The following NT5DC3 variants were observed in gnomAD, a reference collection of about 807,000 sequenced individuals.
NT5DC3 encodes 5'-nucleotidase domain containing 3, also known as 5'-nucleotidase domain-containing protein 3.
A neutral mutation model predicts 67.8 loss-of-function variants in NT5DC3; 42 were observed. The ratio of observed to expected loss-of-function variants is 0.62; its 90% CI spans 0.48 to 0.80. The LOEUF (loss-of-function observed/expected upper bound fraction) is 0.80. Among genes scored for constraint, NT5DC3 ranks in the 30% least tolerant of loss-of-function variants. NT5DC3 has a pLI of 0.00. For missense variants in NT5DC3, 570 were observed against 696.4 expected (o/e 0.82, Z 2.04); for synonymous variants, 237 against 255.6 (o/e 0.93, Z 0.69).
downstream of NT5DC3, among the ~76,000 whole-genome samples, chr12:103,769,794 A>G (rs952298746): frequency 6.6e-6 from 1 of 152,266 alleles, no homozygotes; most frequent in African/African-American, 2.4e-5. Flanking sequence ...CCAACTACTT[A>G]CAAAGAAATT....
downstream of NT5DC3, chr12:103,765,991 TC>T: frequency 1.9e-6 from 1 of 534,006 alleles, no homozygotes; most frequent in Non-Finnish European, 3.5e-6. Flanking sequence ...AATTTAATCC[TC>T]CTACCTCCCT....
chr12:103,763,334 T>C, the NT5DC3 span: 4 of 648,366 alleles, frequency 6.2e-6, no homozygotes, highest in Non-Finnish European at 8.3e-6. Context: ...ATCTAAAGGT[T>C]GGTAAATTTT....
At chr12:103,802,644 G>C (rs1413456101) in intron 4 of NT5DC3, among the ~76,000 whole-genome samples, 1 of 152,186 alleles carries the variant, frequency 6.6e-6, no homozygotes, top group Non-Finnish European at 1.5e-5. Context: ...CCAAGCCAGA[G>C]AGGAAGGCCA....
intron 10 of NT5DC3, among the ~76,000 whole-genome samples, chr12:103,787,730 A>G (rs761073353): frequency 2.8e-4 from 43 of 152,288 alleles, no homozygotes; most frequent in Non-Finnish European, 5.4e-4. Flanking sequence ...TATACACCTC[A>G]CTGTAACTAT....
chr12:103,770,460 G>T (rs1044297283), downstream of NT5DC3: 2 of 151,076 alleles, frequency 1.3e-5, no homozygotes, highest in Non-Finnish European at 2.9e-5. Flanking sequence ...TTTGAGACAG[G>T]GTCTCACTCT....
intron 2 of NT5DC3, among the ~76,000 whole-genome samples, chr12:103,811,750 G>C (rs992794960): frequency 1.3e-5 from 2 of 152,164 alleles, no homozygotes; most frequent in African/African-American, 4.8e-5. Flanking sequence ...TGTAACAAAT[G>C]TACCTTAGTC....
At position 103,798,592 on chromosome 12, in the gene NT5DC3, C is replaced by T. The variant is rs1375283330; in HGVS notation, c.610G>A (p.Gly204Arg). 4.3e-6 allele frequency: 7 copies of T among 1,610,374 alleles called. No homozygotes were observed. The highest frequency in any genetic ancestry group is 4.0e-5 in the African/African-American group (3 of 74,868). Residue 204 changes from glycine to arginine, a missense_variant, in exon 5 of 14, where the codon GGA becomes AGA. Gly to Arg is a moderately radical substitution (Grantham distance 125). Coordinates refer to ENST00000392876, the MANE Select transcript of NT5DC3 (RefSeq NM_001031701.3). ...AATAAAGTGCTTCTCATTACCTTTC[C>T]GTAAAAGTCACTCATCTGCTCCAAG... is the stretch of plus-strand genomic sequence containing the variant. ...VPLEQMSDFY[G>R]KSSHGNTMKQ...
At chr12:103,797,122 C>G in intron 5 of NT5DC3, 91 bp from the exon 6 acceptor site, 13 of 1,334,634 alleles carry the variant, frequency 9.7e-6, no homozygotes, top group South Asian at 5.0e-5. Flanking sequence ...AAGCCTTTTC[C>G]GTGACTAAAC....
At chr12:103,753,901 A>G in the NT5DC3 span, among the ~76,000 whole-genome samples, 2 of 152,178 alleles carry the variant, frequency 1.3e-5, no homozygotes, top group Admixed American at 1.3e-4. Flanking sequence ...AGGGACTGTG[A>G]AAAGAAAAAA....
chr12:103,806,979 G>A (rs1886827452), intron 2 of NT5DC3, 50 bp from the exon 3 acceptor site: 2 of 1,091,554 alleles, frequency 1.8e-6, no homozygotes, highest in Admixed American at 1.7e-5. Flanking sequence ...GCCAAGTGCA[G>A]GATCCTGTCC....
At chr12:103,762,151 T>C in the NT5DC3 span, 23 of 1,334,192 alleles carry the variant, frequency 1.7e-5, no homozygotes, top group African/African-American at 3.1e-4. Context: ...AAGGGCCAGA[T>C]ACATGTTAAC....
chr12:103,796,780 C>T, intron 6 of NT5DC3, 114 bp downstream of exon 6: 2 of 1,029,848 alleles, frequency 1.9e-6, no homozygotes, highest in East Asian at 2.4e-5. Context: ...TAAGAGTTCC[C>T]AGCTAAGAGA....
chr12:103,811,623 A>G lies in NT5DC3; in HGVS notation c.393+3314T>C, dbSNP rs191814349. ...CTGAGAGACATGACAACTAACTGCA[A>G]TGTGGTGTCCTGCAGGGGATCCTGG... On this transcript the variant is annotated intron_variant, in intron 2 of 13. Coordinates refer to ENST00000392876, the MANE Select transcript of NT5DC3 (RefSeq NM_001031701.3). Among the ~76,000 whole-genome samples, 474 of 152,326 alleles carry G rather than the reference A, an allele frequency of 3.1e-3. 2 individuals carry two copies. The highest frequency in any genetic ancestry group is 0.011 in the African/African-American group (458 of 41,570).
At chr12:103,806,754 A>C in intron 3 of NT5DC3, 101 bp downstream of exon 3, 1 of 747,474 alleles carries the variant, frequency 1.3e-6, no homozygotes, top group East Asian at 2.5e-5. Flanking sequence ...CAAATAACAT[A>C]ATTTAAAACT....
intron 4 of NT5DC3, among the ~76,000 whole-genome samples, chr12:103,799,715 T>C (rs915912475): frequency 1.3e-5 from 2 of 151,810 alleles, no homozygotes; most frequent in Non-Finnish European, 2.9e-5. Context: ...GAAATGACCC[T>C]GAATGCTTTG....
intron 12 of NT5DC3, among the ~76,000 whole-genome samples, chr12:103,783,290 G>A (rs1885634254): frequency 6.6e-6 from 1 of 152,138 alleles, no homozygotes; most frequent in African/African-American, 2.4e-5. Context: ...ACAGAACTCT[G>A]TACAAAGTGC....
chr12:103,835,382 T>A (rs1482217409), intron 1 of NT5DC3, among the ~76,000 whole-genome samples: 1 of 152,142 alleles, frequency 6.6e-6, no homozygotes, highest in Admixed American at 6.5e-5. Flanking sequence ...GAAGAGAAGA[T>A]AGGGTCCACC....
chr12:103,766,324 G>A (rs1266735512), downstream of NT5DC3: 2 of 1,613,264 alleles, frequency 1.2e-6, no homozygotes, highest in South Asian at 1.1e-5. Flanking sequence ...ATGACCCCTT[G>A]AGGACACTGT....
At chr12:103,751,965 C>G in the NT5DC3 span, among the ~76,000 whole-genome samples, 1 of 152,150 alleles carries the variant, frequency 6.6e-6, no homozygotes, top group Non-Finnish European at 1.5e-5. Flanking sequence ...ATCCCACATT[C>G]AGGAGGAAGC....
Sources: allele counts gnomAD v4.1 joint callset (sites outside exome capture counted in the v4.1 genomes callset), GRCh38; gene constraint gnomAD v4.1.1; transcripts MANE v1.5; gene names NCBI Gene and HGNC (gene_info 2026-07-23, HGNC 2026-07-21).